Variants in PCDH15 observed in about 807,000 individuals in gnomAD.
The protein encoded by PCDH15 is protocadherin related 15.
In PCDH15, 129 loss-of-function variants were observed where a neutral mutation model predicts 178.5. The ratio of observed to expected loss-of-function variants is 0.72; its 90% CI spans 0.63 to 0.84. PCDH15 has a LOEUF of 0.84. Among genes scored for constraint, PCDH15 ranks in the 40% least tolerant of loss-of-function variants. The pLI is 0.00. For missense variants in PCDH15, 2,230 were observed against 2,099.9 expected, an observed-to-expected ratio of 1.06 and a Z score of -1.21; for synonymous variants, 800 against 732.0, an observed-to-expected ratio of 1.09 and a Z score of -1.50.
intron 8 of PCDH15, among the ~76,000 whole-genome samples, chr10:54,259,042 A>T (rs2057121871): frequency 6.6e-6 from 1 of 152,190 alleles, no homozygotes; most frequent in African/African-American, 2.4e-5. Context: ...TTATATTTAT[A>T]GAAAATCTTC....
intron 2 of PCDH15, among the ~76,000 whole-genome samples, chr10:55,582,586 A>ATG (rs1429732386): frequency 1.3e-4 from 14 of 111,566 alleles, no homozygotes; most frequent in African/African-American, 5.0e-4. Flanking sequence ...GCTATTCTGT[A>ATG]TGTGTATGTG....
intron 2 of PCDH15, among the ~76,000 whole-genome samples, chr10:55,499,078 T>A (rs1840596863): frequency 6.6e-6 from 1 of 151,820 alleles, no homozygotes; most frequent in African/African-American, 2.4e-5. Context: ...AAACAATTGG[T>A]GAGATTGGCA....
chr10:55,303,117 G>A lies in PCDH15; in HGVS notation c.-156+16482C>T, dbSNP rs1023363658. Reference sequence around the variant, plus strand: ...TATATATATATATACACACACACACGGAAATGTTTTTGTAACAAAATAAGA... The same window carrying A: ...TATATATATATATACACACACACACAGAAATGTTTTTGTAACAAAATAAGA... On this transcript the variant is annotated intron_variant, in intron 1 of 5. Coordinates refer to the PCDH15 transcript ENST00000458638. 3.3e-5 allele frequency among the ~76,000 whole-genome samples: 5 copies of A among 151,080 alleles called. No homozygotes were observed. In the South Asian group the frequency reaches 8.4e-4, roughly 25 times the overall value.
chr10:54,429,056 A>T (rs534735277), intron 3 of PCDH15, among the ~76,000 whole-genome samples: 1 of 147,324 alleles, frequency 6.8e-6, no homozygotes, highest in East Asian at 1.9e-4. Flanking sequence ...TGATTTATAA[A>T]TTACTCTTGA....
intron 28 of PCDH15, among the ~76,000 whole-genome samples, chr10:53,847,455 A>ACC (rs2078046731): frequency 6.6e-6 from 1 of 151,972 alleles, no homozygotes; most frequent in South Asian, 2.1e-4. Context: ...ATTAATACAG[A>ACC]CCCACAGGGA....
intron 3 of PCDH15, among the ~76,000 whole-genome samples, chr10:54,505,648 G>A (rs544928381): frequency 2.0e-5 from 3 of 152,034 alleles, no homozygotes; most frequent in African/African-American, 7.2e-5. Context: ...GCCTGTCGGG[G>A]GGTCGGGGGC....
chr10:55,042,222 C>G (rs924719155), intron 2 of PCDH15, among the ~76,000 whole-genome samples: 37 of 152,038 alleles, frequency 2.4e-4, no homozygotes, highest in African/African-American at 8.9e-4. Flanking sequence ...GGCATGCTGA[C>G]CTTGTAGGGT....
intron 2 of PCDH15, among the ~76,000 whole-genome samples, chr10:54,662,900 G>A (rs143352128): frequency 0.012 from 1,848 of 151,890 alleles, 16 homozygotes; most frequent in African/African-American, 0.02. Flanking sequence ...CTTCAAAATA[G>A]CAGTTATTTA....
intron 2 of PCDH15, among the ~76,000 whole-genome samples, chr10:55,529,125 T>C (rs950029578): frequency 1.3e-5 from 2 of 152,144 alleles, no homozygotes; most frequent in African/African-American, 4.8e-5. Flanking sequence ...TTCTGGATAT[T>C]AGCCCTTTGT....
intron 2 of PCDH15, among the ~76,000 whole-genome samples, chr10:55,105,208 A>AT (rs1842645659): frequency 6.6e-6 from 1 of 152,202 alleles, no homozygotes; most frequent in Non-Finnish European, 1.5e-5. Flanking sequence ...ATAAAATAGT[A>AT]TCTACGTACA....
At chr10:54,645,838 T>C (rs1172915276) in intron 2 of PCDH15, among the ~76,000 whole-genome samples, 1 of 152,194 alleles carries the variant, frequency 6.6e-6, no homozygotes, top group Non-Finnish European at 1.5e-5. Flanking sequence ...ATTTCTTATA[T>C]GCCAGAAATA....
At chr10:54,210,679 G>A (rs1047455373) in intron 10 of PCDH15, among the ~76,000 whole-genome samples, 1 of 151,978 alleles carries the variant, frequency 6.6e-6, no homozygotes, top group Non-Finnish European at 1.5e-5. Context: ...GTCAGAAAGA[G>A]CATGGTCAGT....
chr10:53,972,214 C>T (rs559930671), intron 21 of PCDH15, among the ~76,000 whole-genome samples: 30 of 152,176 alleles, frequency 2.0e-4, no homozygotes, highest in Middle Eastern at 3.4e-3. Flanking sequence ...ATAAATGGTG[C>T]TGGGAAAACT....
At chr10:55,454,312 C>T (rs941144599) in intron 2 of PCDH15, among the ~76,000 whole-genome samples, 4 of 151,828 alleles carry the variant, frequency 2.6e-5, no homozygotes, top group Non-Finnish European at 5.9e-5. Context: ...ACAGTTTAAA[C>T]TGCTGGATCA....
intron 25 of PCDH15, among the ~76,000 whole-genome samples, chr10:53,924,195 C>A (rs914107402): frequency 9.9e-5 from 15 of 152,108 alleles, no homozygotes; most frequent in African/African-American, 3.4e-4. Flanking sequence ...GAGGCGCAGG[C>A]GGGAACCGGG....
chr10:55,274,173 A>C (rs906918289), intron 1 of PCDH15, among the ~76,000 whole-genome samples: 2 of 152,146 alleles, frequency 1.3e-5, no homozygotes, highest in East Asian at 1.9e-4. Flanking sequence ...TGAAATCTCA[A>C]CTTGCCAACA....
At chr10:54,427,771 A>G (rs929480397) in intron 3 of PCDH15, among the ~76,000 whole-genome samples, 3 of 152,200 alleles carry the variant, frequency 2.0e-5, no homozygotes, top group Admixed American at 2.0e-4. Flanking sequence ...AAAGGTACAC[A>G]TTTATATCAA....
intron 2 of PCDH15, among the ~76,000 whole-genome samples, chr10:55,435,088 T>C (rs1268035929): frequency 2.0e-5 from 3 of 152,296 alleles, no homozygotes; most frequent in African/African-American, 7.2e-5. Flanking sequence ...TGGAAATGTG[T>C]GATTTAAGAA....
chr10:55,023,098 C>G (rs369398825), intron 2 of PCDH15, among the ~76,000 whole-genome samples: 8 of 152,050 alleles, frequency 5.3e-5, no homozygotes, highest in Non-Finnish European at 1.0e-4. Context: ...CCCGCCACCA[C>G]GCCCGGTGAA....
Sources: gnomAD v4.1 joint callset for allele counts (sites outside exome capture counted in the v4.1 genomes callset) on GRCh38, gnomAD v4.1.1 for gene constraint, MANE v1.5 for transcripts, NCBI Gene and HGNC (gene_info 2026-07-23, HGNC 2026-07-21) for gene names.